The following PPFIA2 variants were observed in gnomAD, a reference collection of about 807,000 sequenced individuals.
The protein encoded by PPFIA2 is PPFI scaffold protein A2.
In PPFIA2, 46 loss-of-function variants were observed where a neutral mutation model predicts 175.5. That is an observed-to-expected ratio of 0.26 (90% CI 0.21 to 0.34). The LOEUF is 0.34. Ranked by LOEUF, PPFIA2 falls within the 10% of genes least tolerant of loss-of-function variation. The pLI, the probability that PPFIA2 is intolerant of heterozygous loss-of-function variation, is 1.00. For missense variants in PPFIA2, 1,179 were observed against 1,506.1 expected (o/e 0.78, Z 3.60); for synonymous variants, 568 against 511.4 (o/e 1.11, Z -1.49).
intron 4 of PPFIA2, among the ~76,000 whole-genome samples, chr12:81,547,595 G>A (rs1056891703): frequency 1.3e-5 from 2 of 152,002 alleles, no homozygotes; most frequent in East Asian, 1.9e-4. Flanking sequence ...GGCTGGTCTC[G>A]AACTTACTGA....
intron 4 of PPFIA2, among the ~76,000 whole-genome samples, chr12:81,508,785 C>T (rs2061473765): frequency 8.6e-6 from 1 of 116,872 alleles, no homozygotes; most frequent in Non-Finnish European, 1.7e-5. Flanking sequence ...CCACAACAGT[C>T]CCCAGAGTGT....
At chr12:81,533,735 C>CTATCTATCTATCTATA (rs951462126) in intron 4 of PPFIA2, among the ~76,000 whole-genome samples, 17 of 73,614 alleles carry the variant, frequency 2.3e-4, no homozygotes, top group East Asian at 1.0e-3. Context: ...ATCTATCTAT[C>CTATCTATCTATCTATA]TATATATCTA....
chr12:81,658,129 A>T (rs1172453408), intron 4 of PPFIA2, among the ~76,000 whole-genome samples: 1 of 151,964 alleles, frequency 6.6e-6, no homozygotes, highest in Non-Finnish European at 1.5e-5. Flanking sequence ...TTAGCTGGGC[A>T]TTGTGTCATA....
chr12:81,370,914 C>T (rs2034917351), intron 11 of PPFIA2, among the ~76,000 whole-genome samples: 1 of 151,858 alleles, frequency 6.6e-6, no homozygotes, highest in South Asian at 2.1e-4. Flanking sequence ...AACAGTGAAA[C>T]TCACTTTATG....
chr12:81,680,842 C>A (rs2073478606), intron 3 of PPFIA2, among the ~76,000 whole-genome samples: 2 of 151,930 alleles, frequency 1.3e-5, no homozygotes, highest in Non-Finnish European at 1.5e-5. Flanking sequence ...AGAATTAGAG[C>A]AGGTAAGTGA....
intron 4 of PPFIA2, among the ~76,000 whole-genome samples, chr12:81,629,223 T>C (rs978240600): frequency 3.9e-5 from 6 of 152,244 alleles, no homozygotes; most frequent in Non-Finnish European, 8.8e-5. Context: ...CTATAAAAAA[T>C]TTAGATTCCA....
chr12:81,740,559 C>T (rs2082198777), intron 3 of PPFIA2, among the ~76,000 whole-genome samples: 1 of 152,144 alleles, frequency 6.6e-6, no homozygotes, highest in African/African-American at 2.4e-5. Context: ...ATGGTTGTTG[C>T]TACCTTACCC....
chr12:81,478,470 C>A (rs2146565453), intron 4 of PPFIA2, among the ~76,000 whole-genome samples: 1 of 152,130 alleles, frequency 6.6e-6, no homozygotes, highest in Middle Eastern at 3.4e-3. Context: ...TTTGTTTGAT[C>A]CTGCTTCTCT....
intron 4 of PPFIA2, among the ~76,000 whole-genome samples, chr12:81,665,602 T>G (rs1292605104): frequency 6.6e-6 from 1 of 151,972 alleles, no homozygotes; most frequent in Non-Finnish European, 1.5e-5. Flanking sequence ...TGGTAAACAT[T>G]TAGAGAGGAC....
rs140469871 is a variant in PPFIA2 at position 81,483,680 on chromosome 12, T to C, written c.304-25814A>G. On this transcript the variant is annotated intron_variant, in intron 4 of 32. Coordinates refer to ENST00000549396, the MANE Select transcript of PPFIA2 (RefSeq NM_003625.5). The stretch of plus-strand genomic sequence containing the variant: ...TTTAAAAGGTGAATTTTATGCTATT[T>C]TTTTTTCTTAATACAGTTGTTATGA... Among the ~76,000 whole-genome samples, 223 of 152,212 alleles carry C rather than the reference T, an allele frequency of 1.5e-3. 1 individual carries two copies. The highest frequency in any genetic ancestry group is 5.1e-3 in the African/African-American group (213 of 41,554).
chr12:81,730,141 T>C (rs1037811058), intron 3 of PPFIA2, among the ~76,000 whole-genome samples: 3 of 151,632 alleles, frequency 2.0e-5, no homozygotes, highest in Admixed American at 6.6e-5. Context: ...GGAAAACTAA[T>C]ACCATATGTT....
chr12:81,414,603 T>G (rs144514273), intron 7 of PPFIA2, among the ~76,000 whole-genome samples: 219 of 151,756 alleles, frequency 1.4e-3, no homozygotes, highest in African/African-American at 4.6e-3. Flanking sequence ...TTAACAAAGA[T>G]TCTTTTCATC....
chr12:81,270,645 C>T (rs1036392029), intron 28 of PPFIA2: 2 of 152,200 alleles, frequency 1.3e-5, no homozygotes, highest in Admixed American at 6.5e-5. Flanking sequence ...ATAGCAGATT[C>T]TTTTCAGTAG....
intron 4 of PPFIA2, among the ~76,000 whole-genome samples, chr12:81,560,043 T>G (rs1285233504): frequency 6.6e-6 from 1 of 152,232 alleles, no homozygotes; most frequent in African/African-American, 2.4e-5. Context: ...TTCTTTCTTA[T>G]TCTTGTCTTT....
chr12:81,271,699 T>G (rs1382448706), intron 28 of PPFIA2, among the ~76,000 whole-genome samples: 2 of 152,202 alleles, frequency 1.3e-5, no homozygotes, highest in Non-Finnish European at 2.9e-5. Flanking sequence ...ATGCAAAGAC[T>G]TTCAAATAAT....
intron 4 of PPFIA2, among the ~76,000 whole-genome samples, chr12:81,498,573 G>A (rs2060262730): frequency 6.6e-6 from 1 of 152,072 alleles, no homozygotes; most frequent in Non-Finnish European, 1.5e-5. Context: ...TATCCTTTCA[G>A]GGAATACAGC....
intron 4 of PPFIA2, among the ~76,000 whole-genome samples, chr12:81,548,773 C>T (rs1469940450): frequency 2.0e-5 from 3 of 151,848 alleles, no homozygotes; most frequent in Admixed American, 6.6e-5. Flanking sequence ...CAATGTAGTG[C>T]CAGATGATAA....
intron 11 of PPFIA2, among the ~76,000 whole-genome samples, chr12:81,370,979 C>T (rs1346201368): frequency 6.6e-6 from 1 of 151,740 alleles, no homozygotes; most frequent in South Asian, 2.1e-4. Flanking sequence ...GAAATAGTAA[C>T]CTATTCATTT....
chr12:81,407,252 A>G (rs758853213), intron 7 of PPFIA2, among the ~76,000 whole-genome samples: 1 of 152,124 alleles, frequency 6.6e-6, no homozygotes, highest in Non-Finnish European at 1.5e-5. Flanking sequence ...TGGGAGGCCA[A>G]GGTGGCCAGA....
Sources: allele counts gnomAD v4.1 joint callset (sites outside exome capture counted in the v4.1 genomes callset), GRCh38; gene constraint gnomAD v4.1.1; transcripts MANE v1.5; gene names NCBI Gene and HGNC (gene_info 2026-07-23, HGNC 2026-07-21).